Variants in NAALADL2 observed in about 807,000 individuals in gnomAD.
NAALADL2 encodes the protein inactive N-acetylated-alpha-linked acidic dipeptidase-like protein 2.
In NAALADL2, 76 loss-of-function variants were observed where a neutral mutation model predicts 87.2. That is an observed-to-expected ratio of 0.87 (90% CI 0.72 to 1.05). The LOEUF (loss-of-function observed/expected upper bound fraction) is 1.05. NAALADL2 is among the 50% of genes least tolerant of loss of function. NAALADL2 has a pLI of 0.00. For synonymous variants in NAALADL2, 354 were observed against 331.0 expected (o/e 1.07, Z -0.75); for missense variants, 1,089 against 945.8 (o/e 1.15, Z -1.99).
intron 5 of NAALADL2, among the ~76,000 whole-genome samples, chr3:175,375,983 C>T (rs1767075621): frequency 1.3e-5 from 2 of 152,076 alleles, no homozygotes; most frequent in South Asian, 4.1e-4. Context: ...TTTCAGTCTA[C>T]AAATAAGTTG....
At chr3:174,837,838 A>G (rs1264733743) in intron 3 of NAALADL2, among the ~76,000 whole-genome samples, 1 of 151,734 alleles carries the variant, frequency 6.6e-6, no homozygotes, top group African/African-American at 2.4e-5. Flanking sequence ...AAAATTACCA[A>G]CACAAAGAAG....
chr3:175,618,174 T>C (rs1369653238), intron 10 of NAALADL2, among the ~76,000 whole-genome samples: 7 of 152,216 alleles, frequency 4.6e-5, no homozygotes, highest in African/African-American at 1.7e-4. Flanking sequence ...AGCCTCTATA[T>C]ACCTGTCACG....
chr3:175,046,539 C>T (rs1180810601), intron 1 of NAALADL2, among the ~76,000 whole-genome samples: 1 of 152,100 alleles, frequency 6.6e-6, no homozygotes, highest in Non-Finnish European at 1.5e-5. Flanking sequence ...AGAGAACTGG[C>T]TTTGGATTCC....
chr3:174,604,107 A>G (rs1227427879), intron 2 of NAALADL2, among the ~76,000 whole-genome samples: 2 of 152,106 alleles, frequency 1.3e-5, no homozygotes, highest in African/African-American at 4.8e-5. Flanking sequence ...TATATCCAAT[A>G]TTTTTGTTGT....
intron 1 of NAALADL2, among the ~76,000 whole-genome samples, chr3:174,866,081 G>A (rs1727107346): frequency 6.6e-6 from 1 of 151,748 alleles, no homozygotes; most frequent in Admixed American, 6.6e-5. Context: ...ATAATAAATT[G>A]TTTTTCACAT....
chr3:174,856,154 C>T (rs951227609), upstream of NAALADL2, among the ~76,000 whole-genome samples: 2 of 151,982 alleles, frequency 1.3e-5, no homozygotes, highest in East Asian at 3.9e-4. Context: ...TACAGGCACA[C>T]ACCATCATGC....
intron 2 of NAALADL2, among the ~76,000 whole-genome samples, chr3:175,134,362 T>C (rs1728751599): frequency 6.6e-6 from 1 of 152,208 alleles, no homozygotes; most frequent in African/African-American, 2.4e-5. Flanking sequence ...CTCCTGAAAG[T>C]GTGATGATAC....
chr3:175,797,902 T>A (rs2108329885), intron 13 of NAALADL2, among the ~76,000 whole-genome samples: 1 of 152,190 alleles, frequency 6.6e-6, no homozygotes, highest in Non-Finnish European at 1.5e-5. Flanking sequence ...GTACTTAGGA[T>A]TAATGATTGA....
chr3:174,773,764 T>TCTTTC (rs1305322327), intron 3 of NAALADL2, among the ~76,000 whole-genome samples: 2 of 152,140 alleles, frequency 1.3e-5, no homozygotes, highest in African/African-American at 4.8e-5. Flanking sequence ...ATTGTTAAAT[T>TCTTTC]CTTTCCTTTG....
chr3:175,308,299 T>C (rs1757953517), intron 4 of NAALADL2, among the ~76,000 whole-genome samples: 1 of 152,152 alleles, frequency 6.6e-6, no homozygotes, highest in Non-Finnish European at 1.5e-5. Context: ...TTCATCACAT[T>C]GGGGATACTT....
intron 2 of NAALADL2, among the ~76,000 whole-genome samples, chr3:174,670,883 T>C (rs1256306089): frequency 1.3e-5 from 2 of 152,016 alleles, no homozygotes; most frequent in Non-Finnish European, 2.9e-5. Context: ...GGTGACTAGA[T>C]CATGCGAGTG....
At chr3:175,209,890 A>AAAAATAAAT (rs1741512567) in intron 2 of NAALADL2, among the ~76,000 whole-genome samples, 1 of 151,772 alleles carries the variant, frequency 6.6e-6, no homozygotes, top group African/African-American at 2.4e-5. Flanking sequence ...AAAAAAATTA[A>AAAAATAAAT]AAATAAATAA....
intron 2 of NAALADL2, among the ~76,000 whole-genome samples, chr3:174,721,237 TCTG>T (rs1731682596): frequency 6.6e-6 from 1 of 152,214 alleles, no homozygotes; most frequent in Non-Finnish European, 1.5e-5. Flanking sequence ...TGTAAAATAT[TCTG>T]CTGAAGGATT....
rs1560020933 is a variant in NAALADL2, at chr3:174,508,113, G to GTTTTTTTTTTTTTT, written c.-183-42456_-183-42455insTTTTTTTTTTTTTT. Among the ~76,000 whole-genome samples the GTTTTTTTTTTTTTT allele has an allele frequency of 2.6e-3, 243 of 92,862 alleles. 4 individuals are homozygous for GTTTTTTTTTTTTTT. Among genetic ancestry groups the GTTTTTTTTTTTTTT allele is most frequent in the African/African-American group, 7.9e-3 (202 of 25,410 alleles). 60.9% of individuals were successfully genotyped at this position (92,862 alleles called of 152,430 possible). ...AAATTTTAGCTATTGGATATCTAGT[G>GTTTTTTTTTTTTTT]GTTTTTTTTTTTTTTTTTGAGACGA... On this transcript the variant is annotated intron_variant, in intron 1 of 3. Transcript: ENST00000434257.
chr3:174,662,938 A>G (rs891248396), intron 2 of NAALADL2, among the ~76,000 whole-genome samples: 1 of 152,216 alleles, frequency 6.6e-6, no homozygotes, highest in Non-Finnish European at 1.5e-5. Context: ...TATTTTACAT[A>G]GATGACACTC....
At chr3:174,829,341 C>T (rs1722363612) in intron 3 of NAALADL2, among the ~76,000 whole-genome samples, 2 of 150,716 alleles carry the variant, frequency 1.3e-5, no homozygotes, top group Admixed American at 1.3e-4. Flanking sequence ...GTTCAATTCC[C>T]ACCTATGAGT....
chr3:175,427,816 A>ATATTTTTATACTTC (rs1717078435), intron 5 of NAALADL2, among the ~76,000 whole-genome samples: 1 of 149,616 alleles, frequency 6.7e-6, no homozygotes, highest in South Asian at 2.1e-4. Flanking sequence ...ATTTACTTTC[A>ATATTTTTATACTTC]TCCATACCCA....
chr3:175,746,923 A>C (rs1253761476), intron 12 of NAALADL2, among the ~76,000 whole-genome samples: 4 of 152,206 alleles, frequency 2.6e-5, no homozygotes, highest in Non-Finnish European at 5.9e-5. Flanking sequence ...CTCATATAAA[A>C]TGGTGTAGTA....
chr3:175,302,371 G>A (rs56738835), intron 4 of NAALADL2, among the ~76,000 whole-genome samples: 27,430 of 152,070 alleles, frequency 0.18, 2,723 homozygotes, highest in African/African-American at 0.26. Context: ...CATCCTAATT[G>A]ATGATAGTCC....
Sources: allele counts gnomAD v4.1 joint callset (sites outside exome capture counted in the v4.1 genomes callset), GRCh38; gene constraint gnomAD v4.1.1; transcripts MANE v1.5; gene names NCBI Gene and HGNC (gene_info 2026-07-23, HGNC 2026-07-21).